Variants in CUL2 observed in about 807,000 individuals in gnomAD.
The protein encoded by CUL2 is cullin 2.
Under a neutral mutation model 110.2 loss-of-function variants are expected in CUL2, and 22 were observed. The ratio of observed to expected loss-of-function variants is 0.20; its 90% CI spans 0.14 to 0.28. The LOEUF (loss-of-function observed/expected upper bound fraction) is 0.28, where lower values mean the gene tolerates loss of function less well. Among genes scored for constraint, CUL2 ranks in the 10% least tolerant of loss-of-function variants. The probability of loss-of-function intolerance (pLI) is 1.00; values close to 1 mark genes in which losing one functional copy is unlikely to be tolerated. For synonymous variants in CUL2, 279 were observed against 293.2 expected (o/e 0.95, Z 0.49); for missense variants, 631 against 905.5 (o/e 0.70, Z 3.89).
intron 20 of CUL2, 125 bp from the exon 21 acceptor site, chr10:35,010,567 TGAAAATA>T: frequency 1.3e-6 from 1 of 797,762 alleles, no homozygotes. Flanking sequence ...AAATTAAGTA[TGAAAATA>T]GGAACTACAA....
chr10:35,122,024 T>C (rs562414093), intron 1 of CUL2, among the ~76,000 whole-genome samples: 8 of 152,172 alleles, frequency 5.3e-5, no homozygotes, highest in Non-Finnish European at 8.8e-5. Flanking sequence ...ATTTCCCATG[T>C]TGGAACACAG....
At chr10:35,086,680 T>C (rs2087072778) in intron 1 of CUL2, among the ~76,000 whole-genome samples, 1 of 151,984 alleles carries the variant, frequency 6.6e-6, no homozygotes, top group Non-Finnish European at 1.5e-5. Flanking sequence ...CTACTAAAAA[T>C]ACAAACTCCA....
chr10:35,072,372 CTTTT>C (rs150456156), intron 1 of CUL2, among the ~76,000 whole-genome samples: 20,230 of 142,900 alleles, frequency 0.14, 1,517 homozygotes, highest in South Asian at 0.21. Context: ...ACTTAATGGG[CTTTT>C]TTTTTTTTTT....
chr10:35,098,133 AG>A (rs1226111455), intron 2 of CUL2: 1 of 152,170 alleles, frequency 6.6e-6, no homozygotes, highest in East Asian at 1.9e-4. Context: ...CTATTTTAAA[AG>A]GAAATATAAA....
intron 1 of CUL2, among the ~76,000 whole-genome samples, chr10:35,082,498 T>C (rs556271048): frequency 1.1e-4 from 16 of 152,188 alleles, no homozygotes; most frequent in African/African-American, 3.6e-4. Flanking sequence ...AGGGTCACAA[T>C]GACACTGTAA....
intron 1 of CUL2, among the ~76,000 whole-genome samples, chr10:35,077,001 G>A (rs1042284606): frequency 6.6e-6 from 1 of 152,040 alleles, no homozygotes; most frequent in Non-Finnish European, 1.5e-5. Context: ...GCAATGAGCC[G>A]AGATAAAACT....
At chr10:35,091,197 CA>C (rs1220696601), upstream of CUL2, among the ~76,000 whole-genome samples, 2 of 152,158 alleles carry the variant, frequency 1.3e-5, no homozygotes. Context: ...CACAGAGGAA[CA>C]AAAGCCCGGC....
At chr10:35,026,074 T>C (rs1012148161) in intron 16 of CUL2, among the ~76,000 whole-genome samples, 2 of 152,226 alleles carry the variant, frequency 1.3e-5, no homozygotes, top group African/African-American at 4.8e-5. Context: ...AGTTAATAGC[T>C]CCAGCCAAGA....
chr10:35,093,087 A>G (rs189784720), upstream of CUL2, among the ~76,000 whole-genome samples: 89 of 152,168 alleles, frequency 5.8e-4, no homozygotes, highest in Non-Finnish European at 1.1e-3. Flanking sequence ...ACCCAGAGGC[A>G]GGCTCAGCAC....
intron 1 of CUL2, among the ~76,000 whole-genome samples, chr10:35,114,295 C>T (rs2087563278): frequency 6.6e-6 from 1 of 151,666 alleles, no homozygotes; most frequent in Non-Finnish European, 1.5e-5. Flanking sequence ...AACTCCCGAC[C>T]TCAAGTGATT....
At chr10:35,018,217 G>T (rs1480630368) in intron 17 of CUL2, among the ~76,000 whole-genome samples, 1 of 147,018 alleles carries the variant, frequency 6.8e-6, no homozygotes, top group African/African-American at 2.5e-5. Context: ...AACCCGGGAG[G>T]CGGAGCTTGC....
rs117615530 is a variant in CUL2 at position 35,104,751 on chromosome 10, G to A, written c.-50-3691C>T. Among the ~76,000 whole-genome samples, 1,229 of 151,814 alleles carry A rather than the reference G, an allele frequency of 8.1e-3. 7 individuals are homozygous for A. Among genetic ancestry groups the A allele is most frequent in the South Asian group, 0.037 (179 of 4,802 alleles). ...GAATCAAAGACTTTTCTGGGGGGGG[G>A]ACAGTCTTGCTCTTGTTGCCCAGGC... On this transcript the variant is annotated intron_variant, in intron 1 of 5. Coordinates refer to the CUL2 transcript ENST00000685421.
intron 5 of CUL2, among the ~76,000 whole-genome samples, chr10:35,053,485 A>C (rs2086163868): frequency 6.6e-6 from 1 of 152,170 alleles, no homozygotes; most frequent in Non-Finnish European, 1.5e-5. Flanking sequence ...TTCTTCTTCC[A>C]TGCTTTTTAT....
At position 35,062,975 on chromosome 10, in the gene CUL2, A is replaced by C; in HGVS notation, c.207T>G (p.Val69=). 1 of 1,595,154 alleles carries C rather than the reference A, an allele frequency of 6.3e-7. No individual in the cohort carries two copies. Among genetic ancestry groups the C allele is most frequent in the African/African-American group, 1.3e-5 (1 of 74,612 alleles). ...CATTGCTTACCTTATGCAAATGCCG[A>C]ACATGATTTTCCAAAAAAATCTTAG... ...TETKIFLENH[V]RHLHKRVLES... Residue 69 remains valine, a synonymous_variant, in exon 3 of 21, where the codon GTT becomes GTG. Transcript: ENST00000374749.
At chr10:35,032,194 G>C (rs935293806) in intron 12 of CUL2, among the ~76,000 whole-genome samples, 2 of 152,130 alleles carry the variant, frequency 1.3e-5, no homozygotes, top group African/African-American at 4.8e-5. Flanking sequence ...TACATGAAAA[G>C]TATTGCAAAT....
intron 1 of CUL2, among the ~76,000 whole-genome samples, chr10:35,082,026 T>G (rs2086957055): frequency 6.6e-6 from 1 of 151,554 alleles, no homozygotes; most frequent in South Asian, 2.1e-4. Flanking sequence ...AGCCAGTGAG[T>G]TGGATCAAGT....
intron 1 of CUL2, among the ~76,000 whole-genome samples, chr10:35,121,363 A>G (rs2126984): frequency 0.37 from 56,488 of 152,042 alleles, 10,636 homozygotes; most frequent in African/African-American, 0.43. Context: ...AAGTAGCAGC[A>G]ACTATAGGCA....
intron 6 of CUL2, among the ~76,000 whole-genome samples, chr10:35,045,197 C>T (rs992348557): frequency 6.6e-6 from 1 of 152,168 alleles, no homozygotes; most frequent in Non-Finnish European, 1.5e-5. Context: ...AACTTTAATA[C>T]TGGCGGTTAA....
Position 35,074,537 on chromosome 10 carries a change from CCT to C in CUL2, c.-22-3200_-22-3199del, listed in dbSNP as rs2086765243. On this transcript the variant is annotated intron_variant, in intron 1 of 20. Coordinates refer to ENST00000374749, the MANE Select transcript of CUL2 (RefSeq NM_003591.4). ...TTGTTTGTTCCTGAGACAGAGTCTC[CCT>C]CTGTCACCCAGGCTCGAGTGCACTG... Among the ~76,000 whole-genome samples the C allele has an allele frequency of 3.3e-5, 5 of 152,204 alleles. 1 individual carries two copies. Among genetic ancestry groups the C allele is most frequent in the African/African-American group, 1.2e-4 (5 of 41,518 alleles).
Sources: gnomAD v4.1 joint callset for allele counts (sites outside exome capture counted in the v4.1 genomes callset) on GRCh38, gnomAD v4.1.1 for gene constraint, MANE v1.5 for transcripts, NCBI Gene and HGNC (gene_info 2026-07-23, HGNC 2026-07-21) for gene names.